The following DOCK6 variants were observed in gnomAD, a reference collection of about 807,000 sequenced individuals.
DOCK6 encodes the protein dedicator of cytokinesis protein 6.
DOCK6 carries 167 observed loss-of-function variants against 230.3 expected under a neutral mutation model. The ratio of observed to expected loss-of-function variants is 0.73; its 90% confidence interval spans 0.64 to 0.82. The LOEUF is 0.82. DOCK6 is among the 40% of genes least tolerant of loss of function. The pLI, the probability that DOCK6 is intolerant of heterozygous loss-of-function variation, is 0.00. For missense variants in DOCK6, 2,598 were observed against 2,825.8 expected (o/e 0.92, Z 1.83); for synonymous variants, 1,148 against 1,185.0 (o/e 0.97, Z 0.64).
chr19:11,223,110 GGGACACA>G lies in DOCK6; in HGVS notation c.2956-11_2956-5del. The G allele has an allele frequency of 1.2e-6, 2 of 1,611,640 alleles. No homozygotes were observed. Among genetic ancestry groups the G allele is most frequent in the Non-Finnish European group, 1.7e-6 (2 of 1,178,650 alleles). ...GGTGCTCGGCCAGCTCCACATCCTG[GGGACACA>G]GGTGCCTGTCAACCCACACACCCAA... On this transcript the variant is annotated splice_region_variant and splice_polypyrimidine_tract_variant and intron_variant, in intron 24 of 47. Coordinates refer to ENST00000294618, the MANE Select transcript of DOCK6 (RefSeq NM_020812.4).
intron 39 of DOCK6, among the ~76,000 whole-genome samples, chr19:11,207,026 G>A (rs1237083836): frequency 2.0e-5 from 3 of 151,856 alleles, no homozygotes; most frequent in African/African-American, 7.3e-5. Context: ...GTAGACATGG[G>A]GTTTCACCAT....
intron 24 of DOCK6, among the ~76,000 whole-genome samples, chr19:11,223,926 C>T (rs868386053): frequency 2.0e-5 from 3 of 151,982 alleles, no homozygotes; most frequent in African/African-American, 4.8e-5. Context: ...GGATTACAGG[C>T]GTGAGATACC....
rs764748107 is a variant in DOCK6, at chr19:11,214,407, C to T, written c.4206G>A (p.Thr1402=). 85 of 1,613,616 alleles carry T rather than the reference C, an allele frequency of 5.3e-5. No individual in the cohort carries two copies. The South Asian group carries it at 5.8e-4, about 11-fold the overall frequency. Residue 1402 remains threonine (T), a splice_region_variant and synonymous_variant, in exon 34 of 48, where the codon ACG becomes ACA. Transcript: ENST00000294618. ...TCTCCCGGGCTTCTGAAAGCATCAC[C>T]GTCTGGAGGGAAGGGGGTCAGAAAT... ...VLDTLEIIVQ[T]VMLSEARESV...
At chr19:11,260,885 A>AAAAAAAAAAAAAAAAAAAAAAAAAAAG (rs1555698780) in intron 1 of DOCK6, among the ~76,000 whole-genome samples, 1 of 127,262 alleles carries the variant, frequency 7.9e-6, no homozygotes, top group African/African-American at 3.0e-5. Context: ...TCTGTCTCAA[A>AAAAAAAAAAAAAAAAAAAAAAAAAAAG]AAAAAAAAAA....
At position 11,243,320 on chromosome 19, in the gene DOCK6, C is replaced by G; in HGVS notation, c.1324G>C (p.Asp442His). 1 of 1,600,478 alleles carries G rather than the reference C, an allele frequency of 6.2e-7. No homozygotes were observed. The highest frequency in any genetic ancestry group is 8.5e-7 in the Non-Finnish European group (1 of 1,174,354). The part of the protein sequence containing the change: ...GPQDRASSGD[D>H]ACSFSGFRPA... The stretch of plus-strand genomic sequence containing the variant: ...CGGAAGCCAGAGAAGCTGCAGGCGT[C>G]GTCCCCACTACTCGCCCGGTCCTGG... The change falls in exon 12 of 48, where the codon GAC becomes CAC. Residue 442 changes from aspartate to histidine, a missense_variant. By Grantham distance (81) the Asp-to-His change is moderately conservative. Coordinates refer to ENST00000294618, the MANE Select transcript of DOCK6 (RefSeq NM_020812.4). The surrounding 1 kb of genome is among the most constrained non-coding windows in gnomAD (Gnocchi z 6.3).
At chr19:11,204,130 C>A in intron 40 of DOCK6, 35 bp from the exon 41 acceptor site, 1 of 1,515,018 alleles carries the variant, frequency 6.6e-7, no homozygotes. Context: ...TCAGCAGATC[C>A]CTGGGGATGA....
Position 11,208,679 on chromosome 19 carries a change from G to A in DOCK6, c.5088+7C>T, listed in dbSNP as rs929299193. ...CCCTCTCCTGCACCCAGTCCCCAAG[G>A]CCTCACCATGGTGAAGTAGCCGGCT... is the stretch of plus-strand genomic sequence containing the variant. On this transcript the variant is annotated splice_region_variant and intron_variant, in intron 39 of 47. Transcript: ENST00000294618. 3 of 1,608,558 alleles carry A rather than the reference G, an allele frequency of 1.9e-6. No individual in the cohort carries two copies. Among genetic ancestry groups the A allele is most frequent in the Admixed American group, 3.3e-5 (2 of 59,904 alleles).
intron 24 of DOCK6, 96 bp downstream of exon 24, chr19:11,227,233 TGGTCTTAC>T: frequency 9.4e-6 from 14 of 1,492,802 alleles, no homozygotes; most frequent in Non-Finnish European, 1.3e-5. Context: ...AGTGGATTCC[TGGTCTTAC>T]GGCCAGGAGA....
intron 37 of DOCK6, among the ~76,000 whole-genome samples, chr19:11,210,914 C>T (rs1273632741): frequency 1.3e-5 from 2 of 151,782 alleles, no homozygotes; most frequent in Non-Finnish European, 2.9e-5. Context: ...TCCATCCCCT[C>T]ACCTGTCTAT....
intron 14 of DOCK6, chr19:11,240,306 TC>T (rs1568252556): frequency 6.4e-7 from 1 of 1,552,594 alleles, no homozygotes; most frequent in South Asian, 1.2e-5. Context: ...GGTAAGGAGC[TC>T]CCCCAACCCT....
At chr19:11,239,482 G>T in intron 14 of DOCK6, 1 of 946,590 alleles carries the variant, frequency 1.1e-6, no homozygotes, top group Non-Finnish European at 1.6e-6. Context: ...TGGCCTAGCC[G>T]GACATTCGCC....
At chr19:11,229,083 CG>C in intron 22 of DOCK6, 48 bp from the exon 23 acceptor site, 1 of 1,562,384 alleles carries the variant, frequency 6.4e-7, no homozygotes, top group African/African-American at 1.4e-5. Flanking sequence ...CACCCCTTCC[CG>C]TACCCCCTCT....
chr19:11,237,649 CCA>C lies in DOCK6; in HGVS notation c.1961_1962del (p.Val654GlyfsTer152). 1 of 1,596,884 alleles carries C rather than the reference CCA, an allele frequency of 6.3e-7. No homozygotes were observed. Among genetic ancestry groups the C allele is most frequent in the Non-Finnish European group, 8.5e-7 (1 of 1,172,418 alleles). On this transcript the variant is annotated frameshift_variant, in exon 17 of 48. Transcript: ENST00000294618. LOFTEE classifies it high-confidence loss of function. ...PRPGTALETP[V>X]GFTWIPLLQH... Reference sequence around the variant, plus strand: ...GGGAGGGGACGGCTCACAGTAAAGCCCACGGGTGTCTCCAGGGCAGTGCCCGG... The same window carrying C: ...GGGAGGGGACGGCTCACAGTAAAGCCCGGGTGTCTCCAGGGCAGTGCCCGG...
In DOCK6 at chr19:11,236,547, C is replaced by A. The variant is rs1166114174; in HGVS notation, c.2191G>T (p.Val731Leu). The change falls in exon 20 of 48, where the codon GTG (valine) becomes TTG (leucine). Residue 731 changes from valine to leucine, a missense_variant. Transcript: ENST00000294618. The surrounding 1 kb of genome is among the most constrained non-coding windows in gnomAD (Gnocchi z 5.2). ...DPYLDKFFTL[V>L]HVLEEGAFPF... ...AAGGCTCCCTCCTCCAGGACGTGCA[C>A]CAGGGTGAAGAATTTGTCCAGGTAG... is the stretch of plus-strand genomic sequence containing the variant. The A allele has an allele frequency of 1.9e-6, 3 of 1,600,048 alleles. No individual in the cohort carries two copies. The highest frequency in any genetic ancestry group is 2.6e-6 in the Non-Finnish European group (3 of 1,173,760).
intron 14 of DOCK6, chr19:11,241,564 G>C: frequency 6.4e-7 from 1 of 1,554,024 alleles, no homozygotes; most frequent in Non-Finnish European, 8.7e-7. Context: ...GGTGAGCCTG[G>C]CAGGGGTTTG....
At chr19:11,258,877 T>C (rs996251569) in intron 1 of DOCK6, among the ~76,000 whole-genome samples, 12 of 148,746 alleles carry the variant, frequency 8.1e-5, no homozygotes, top group Admixed American at 4.0e-4. Context: ...CTGCCTCAGC[T>C]TCCCCAGTAA....
chr19:11,224,082 A>C (rs1186161657), intron 24 of DOCK6, among the ~76,000 whole-genome samples: 1 of 152,146 alleles, frequency 6.6e-6, no homozygotes, highest in African/African-American at 2.4e-5. Context: ...GGAGACACAA[A>C]ATAAACAAGA....
intron 22 of DOCK6, among the ~76,000 whole-genome samples, chr19:11,230,882 G>T (rs569894742): frequency 6.6e-6 from 1 of 152,032 alleles, no homozygotes; most frequent in African/African-American, 2.4e-5. Flanking sequence ...TAGGGGGTGA[G>T]GCTGCTCGCA....
intron 9 of DOCK6, among the ~76,000 whole-genome samples, chr19:11,245,275 A>G (rs1275460214): frequency 1.3e-5 from 2 of 152,168 alleles, no homozygotes; most frequent in African/African-American, 4.8e-5. Flanking sequence ...ACTTCCCAAC[A>G]GCATCTCACC....
Sources: gnomAD v4.1 joint callset for allele counts (sites outside exome capture counted in the v4.1 genomes callset) on GRCh38, gnomAD v4.1.1 for gene constraint, Gnocchi (gnomAD v3.1) non-coding constraint, MANE v1.5 for transcripts, NCBI Gene and HGNC (gene_info 2026-07-23, HGNC 2026-07-21) for gene names.